TONSL: variants seen among roughly 807,000 people sequenced by gnomAD.
TONSL encodes the protein tonsoku like, DNA repair protein.
A neutral mutation model predicts 147.1 loss-of-function variants in TONSL; 112 were observed. The ratio of observed to expected loss-of-function variants is 0.76; its 90% confidence interval spans 0.65 to 0.89. The LOEUF (loss-of-function observed/expected upper bound fraction) is 0.89, where lower values mean the gene tolerates loss of function less well. TONSL is among the 40% of genes least tolerant of loss of function. The pLI is 0.00. For synonymous variants in TONSL, 868 were observed against 801.5 expected, an observed-to-expected ratio of 1.08 and a Z score of -1.40; for missense variants, 1,883 against 1,864.6, an observed-to-expected ratio of 1.01 and a Z score of -0.18.
At position 144,437,052 on chromosome 8, in the gene TONSL, G is replaced by A. The variant is rs749180510; in HGVS notation, c.1701C>T (p.His567=). ...CTAGATGCCCGTAGTTGCAGGCCTC[G>A]TGCAGAGGTGTCCAGCCACAGTAGT... ...PRDYCGWTPL[H]EACNYGHLEI... is the part of the protein sequence containing the mutation. Residue 567 remains histidine, a synonymous_variant, in exon 14 of 26, where the codon CAC becomes CAT. Transcript: ENST00000409379. 26 of 1,613,136 alleles carry A rather than the reference G, an allele frequency of 1.6e-5. No homozygotes were observed. The highest frequency in any genetic ancestry group is 2.7e-5 in the African/African-American group (2 of 74,932).
At chr8:144,430,708 C>T (rs1554878472) in intron 24 of TONSL, among the ~76,000 whole-genome samples, 171 bp from the exon 25 acceptor site, 1 of 152,240 alleles carries the variant, frequency 6.6e-6, no homozygotes, top group Non-Finnish European at 1.5e-5. Context: ...GGGTCCTTCC[C>T]AGGGGTCAGG....
In TONSL at chr8:144,434,234, CCCAAGCCCTGGAGCT is replaced by C; in HGVS notation, c.3116_3130del (p.Glu1039_Leu1043del). 6.5e-7 allele frequency: 1 copy of C among 1,538,072 alleles called. No individual in the cohort carries two copies. Among genetic ancestry groups the C allele is most frequent in the Non-Finnish European group, 8.8e-7 (1 of 1,140,328 alleles). On this transcript the variant is annotated inframe_deletion, in exon 21 of 26. Coordinates refer to ENST00000409379, the MANE Select transcript of TONSL (RefSeq NM_013432.5). Reference sequence around the variant, plus strand: ...CAGGGAGCAGGCGCTGAACGAGAGGCCCAAGCCCTGGAGCTCCACGGCCTGCAGCACCTGTTGGTG... The same window carrying C: ...CAGGGAGCAGGCGCTGAACGAGAGGCCCACGGCCTGCAGCACCTGTTGGTG...
chr8:144,439,774 C>T (rs534667078), intron 11 of TONSL: 225 of 531,608 alleles, frequency 4.2e-4, no homozygotes, highest in Non-Finnish European at 6.6e-4. Flanking sequence ...GCCTCTCTAA[C>T]GGGACCATGC....
At chr8:144,442,873 A>G in intron 4 of TONSL, 67 bp from the exon 5 acceptor site, 1 of 1,549,986 alleles carries the variant, frequency 6.5e-7, no homozygotes, top group Non-Finnish European at 8.7e-7. Context: ...TTTGGGCCCC[A>G]TTTGGGGCCT....
At position 144,440,468 on chromosome 8, in the gene TONSL, C is replaced by G; in HGVS notation, c.1173G>C (p.Lys391Asn). ...GGGACAGTGCAATGTTCAGCCAGGTCTTGGCCTCCTGGAGCAGGAGGAAGG... is the reference window on the plus strand; with the variant it reads ...GGGACAGTGCAATGTTCAGCCAGGTGTTGGCCTCCTGGAGCAGGAGGAAGG... ...LRSGNVLEEA[K>N]TWLNIALSRE... The change falls in exon 10 of 26, where the codon AAG becomes AAC. Residue 391 changes from lysine (K) to asparagine (N), a missense_variant. Lys to Asn is a moderately conservative substitution (Grantham distance 94). Coordinates refer to ENST00000409379, the MANE Select transcript of TONSL (RefSeq NM_013432.5). 1.3e-6 allele frequency: 2 copies of G among 1,597,044 alleles called. No individual in the cohort carries two copies. Among genetic ancestry groups the G allele is most frequent in the Non-Finnish European group, 8.6e-7 (1 of 1,169,198 alleles).
In TONSL at chr8:144,436,868, G is replaced by T; in HGVS notation, c.1779C>A (p.Gly593=). 6.2e-7 allele frequency: 1 copy of T among 1,609,846 alleles called. No individual in the cohort carries two copies. Among genetic ancestry groups the T allele is most frequent in the Non-Finnish European group, 8.5e-7 (1 of 1,179,832 alleles). Residue 593 remains glycine, a synonymous_variant, in exon 15 of 26, where the codon GGC becomes GGA. Transcript: ENST00000409379. The stretch of plus-strand genomic sequence containing the variant: ...GGGGGGTGATGCCTTCGCAGCCCTG[G>T]CCACCTGGGTCGTCCACTGCGGCCC... ...DHGAAVDDPG[G]QGCEGITPLH... is the part of the protein sequence containing the mutation.
chr8:144,432,606 C>G (rs1051503406), intron 22 of TONSL, 146 bp from the exon 23 acceptor site: 25 of 774,672 alleles, frequency 3.2e-5, no homozygotes, highest in Middle Eastern at 4.0e-4. Context: ...GAGGCAAAGG[C>G]TCTCGCCCAG....
chr8:144,436,033 G>A lies in TONSL; in HGVS notation c.2400C>T (p.Gly800=). The change falls in exon 17 of 26, where the codon GGC becomes GGT. Residue 800 remains glycine, a synonymous_variant. Coordinates refer to ENST00000409379, the MANE Select transcript of TONSL (RefSeq NM_013432.5). ...AAYQAAIRGV[G]SAQSRLGPGP... ...CAGGCCCCAGCCGGCTCTGAGCACTGCCCACACCCCGGATGGCTGCCTGGT... is the reference window on the plus strand; with the variant it reads ...CAGGCCCCAGCCGGCTCTGAGCACTACCCACACCCCGGATGGCTGCCTGGT... 1.3e-6 allele frequency: 2 copies of A among 1,569,568 alleles called. No individual in the cohort carries two copies. Among genetic ancestry groups the A allele is most frequent in the Non-Finnish European group, 1.7e-6 (2 of 1,163,176 alleles).
At chr8:144,443,580 C>A (rs1823799487) in intron 3 of TONSL, among the ~76,000 whole-genome samples, 1 of 152,240 alleles carries the variant, frequency 6.6e-6, no homozygotes, top group Admixed American at 6.5e-5. Flanking sequence ...TGCAGTCCTG[C>A]CTCCAGCAGC....
intron 21 of TONSL, 70 bp from the exon 22 acceptor site, chr8:144,433,829 T>TTGGCAGTCTCTTCCCCACCTTGCC: frequency 6.7e-7 from 1 of 1,492,476 alleles, no homozygotes; most frequent in Non-Finnish European, 8.9e-7. Context: ...GGGGCTTGGC[T>TTGGCAGTCTCTTCCCCACCTTGCC]TGGCAGTCTC....
chr8:144,438,844 G>A (rs770974346), intron 11 of TONSL, 109 bp from the exon 12 acceptor site: 58 of 1,185,208 alleles, frequency 4.9e-5, no homozygotes, highest in South Asian at 4.2e-4. Context: ...AGCCAGAGAC[G>A]GGAGGGCTGA....
At chr8:144,443,786 G>C (rs1586698547) in intron 3 of TONSL, 96 bp downstream of exon 3, 3 of 1,490,568 alleles carry the variant, frequency 2.0e-6, no homozygotes, top group East Asian at 4.9e-5. Flanking sequence ...GTCCCCTCCA[G>C]CCCGAGGCTC....
In TONSL at chr8:144,432,273, C is replaced by G; in HGVS notation, c.3735+12G>C. 6.2e-7 allele frequency: 1 copy of G among 1,612,458 alleles called. No homozygotes were observed. Among genetic ancestry groups the G allele is most frequent in the Non-Finnish European group, 8.5e-7 (1 of 1,179,446 alleles). ...AGGCTCAGTATTTTCTGGGTTCTTCCCCACCTCGTACCTTGGCCAGGTATC... is the reference window on the plus strand; with the variant it reads ...AGGCTCAGTATTTTCTGGGTTCTTCGCCACCTCGTACCTTGGCCAGGTATC... On this transcript the variant is annotated intron_variant, in intron 23 of 25. Coordinates refer to ENST00000409379, the MANE Select transcript of TONSL (RefSeq NM_013432.5).
In TONSL at chr8:144,429,312, CCCAGGG is replaced by C. The variant is rs1274550083; in HGVS notation, c.3962_3967del (p.Pro1321_Gly1323delinsArg). 4 of 1,480,156 alleles carry C rather than the reference CCCAGGG, an allele frequency of 2.7e-6. No individual in the cohort carries two copies. In the African/African-American group the frequency reaches 5.8e-5, roughly 21 times the overall value. The allele number at this position is 1,480,156 out of a possible 1,614,324, so 91.7% of individuals were successfully genotyped here. On this transcript the variant is annotated inframe_deletion, in exon 26 of 26. Transcript: ENST00000409379. Reference sequence around the variant, plus strand: ...GGCTATCTTGTCCCACAGGCCCAGGCCCAGGGGACCCTGGACGGCGCAGCCTGCGGA... The same window carrying C: ...GGCTATCTTGTCCCACAGGCCCAGGCGACCCTGGACGGCGCAGCCTGCGGA...
intron 21 of TONSL, 88 bp from the exon 22 acceptor site, chr8:144,433,847 C>T (rs371790863): frequency 6.1e-6 from 9 of 1,477,308 alleles, no homozygotes; most frequent in Non-Finnish European, 8.1e-6. Flanking sequence ...CTCTTCCCCA[C>T]CTTGCCTGGC....
At position 144,435,494 on chromosome 8, in the gene TONSL, G is replaced by A. The variant is rs1184061647; in HGVS notation, c.2832C>T (p.Phe944=). The A allele has an allele frequency of 3.9e-6, 6 of 1,549,094 alleles. No individual in the cohort carries two copies. In the East Asian group the frequency reaches 1.5e-4, roughly 38 times the overall value. The change falls in exon 18 of 26, where the codon TTC becomes TTT. Residue 944 remains phenylalanine (F), a synonymous_variant. Coordinates refer to ENST00000409379, the MANE Select transcript of TONSL (RefSeq NM_013432.5). ...RVRVQVQDHL[F]LIPVPHSSDT... is the part of the protein sequence containing the mutation. Reference sequence around the variant, plus strand: ...CTCACCTGTGTGGGACAGGGATGAGGAAGAGATGATCCTGAACTTGAACTC... The same window carrying A: ...CTCACCTGTGTGGGACAGGGATGAGAAAGAGATGATCCTGAACTTGAACTC...
chr8:144,432,435 G>A lies in TONSL; in HGVS notation c.3585C>T (p.Ser1195=). ...GGGCTCCCAGGGCGTTGTAGGACAG[G>A]GACAGGGTCTTCAGGTGCTCAGCAT... ...FQDAEHLKTL[S]LSYNALGAPA... is the part of the protein sequence containing the mutation. Residue 1195 remains serine (S), a synonymous_variant, in exon 23 of 26, where the codon TCC becomes TCT. Transcript: ENST00000409379. 1 of 1,574,040 alleles carries A rather than the reference G, an allele frequency of 6.4e-7. No homozygotes were observed. Among genetic ancestry groups the A allele is most frequent in the Admixed American group, 1.9e-5 (1 of 53,234 alleles).
chr8:144,436,237 C>A lies in TONSL; in HGVS notation c.2196G>T (p.Arg732Ser), dbSNP rs2129643227. ...TGCTGCTGGCTGGCCCATGCCTGCT[C>A]CTCCGAGGCCTGGCCATGGCTGGTG... is the stretch of plus-strand genomic sequence containing the variant. ...QAAPAMARPR[R>S]SRHGPASSSS... Residue 732 changes from arginine to serine, a missense_variant, in exon 17 of 26, where the codon AGG (arginine) becomes AGT (serine). Arg to Ser is a moderately radical substitution (Grantham distance 110). Transcript: ENST00000409379. The A allele has an allele frequency of 6.5e-7, 1 of 1,545,738 alleles. No homozygotes were observed. The highest frequency in any genetic ancestry group is 1.8e-5 in the Admixed American group (1 of 54,916).
At position 144,429,177 on chromosome 8, in the gene TONSL, T is replaced by C; in HGVS notation, c.4103A>G (p.Asp1368Gly). The C allele has an allele frequency of 6.5e-7, 1 of 1,534,086 alleles. No individual in the cohort carries two copies. Among genetic ancestry groups the C allele is most frequent in the Non-Finnish European group, 8.7e-7 (1 of 1,144,876 alleles). Residue 1368 changes from aspartate to glycine, a missense_variant, in exon 26 of 26, where the codon GAC (aspartate) becomes GGC (glycine). Physicochemically the swap from Asp to Gly is moderately conservative, Grantham distance 94. Coordinates refer to ENST00000409379, the MANE Select transcript of TONSL (RefSeq NM_013432.5). ...CCGAAAGAAGAGCTTGGAGCCGTGG[T>C]CCAGCGTGCACTCGCCGGGGCCCGG... ...SRPGPGECTL[D>G]HGSKLFFRRL
Sources: allele counts gnomAD v4.1 joint callset (sites outside exome capture counted in the v4.1 genomes callset), GRCh38; gene constraint gnomAD v4.1.1; transcripts MANE v1.5; gene names NCBI Gene and HGNC (gene_info 2026-07-23, HGNC 2026-07-21).